Variants in EYS observed in about 807,000 individuals in gnomAD.
EYS encodes EGF-like photoreceptor maintenance factor.
In EYS, 250 loss-of-function variants were observed where a neutral mutation model predicts 282.1. That is an observed-to-expected ratio of 0.89 (90% CI 0.80 to 0.98). The LOEUF is 0.98. Among genes scored for constraint, EYS ranks in the 50% least tolerant of loss-of-function variants. The probability of loss-of-function intolerance (pLI) is 0.00; values close to 1 mark genes in which losing one functional copy is unlikely to be tolerated. For synonymous variants in EYS, 1,355 were observed against 1,282.9 expected (o/e 1.06, Z -1.20); for missense variants, 4,016 against 3,709.0 (o/e 1.08, Z -2.15).
intron 39 of EYS, chr6:63,779,243 G>A (rs1291168364): frequency 6.6e-6 from 1 of 151,782 alleles, no homozygotes; most frequent in African/African-American, 2.4e-5. Flanking sequence ...TGGATCACGA[G>A]GTCAGGAGAT....
At chr6:64,986,513 T>TA (rs373684376) in intron 14 of EYS, among the ~76,000 whole-genome samples, 54,850 of 150,076 alleles carry the variant, frequency 0.37, 11,715 homozygotes, top group Admixed American at 0.5. Flanking sequence ...TTTTTTTTTT[T>TA]CTAATACTTC....
chr6:64,216,713 G>A (rs1765939303), intron 31 of EYS, among the ~76,000 whole-genome samples: 1 of 152,190 alleles, frequency 6.6e-6, no homozygotes, highest in Non-Finnish European at 1.5e-5. Context: ...TTCTGCCAAG[G>A]TAAAGGGACA....
At chr6:64,967,235 A>G (rs1562279709) in intron 14 of EYS, among the ~76,000 whole-genome samples, 1 of 152,120 alleles carries the variant, frequency 6.6e-6, no homozygotes, top group Non-Finnish European at 1.5e-5. Flanking sequence ...TCAGCTCCTT[A>G]GAAAGACTCT....
At chr6:64,340,081 G>A (rs1041979201) in intron 29 of EYS, among the ~76,000 whole-genome samples, 9 of 151,366 alleles carry the variant, frequency 5.9e-5, no homozygotes, top group African/African-American at 9.7e-5. Context: ...AAATAAAAAC[G>A]TATGCACATT....
intron 26 of EYS, among the ~76,000 whole-genome samples, chr6:64,444,546 T>A (rs185666302): frequency 6.6e-6 from 1 of 152,220 alleles, no homozygotes; most frequent in Non-Finnish European, 1.5e-5. Flanking sequence ...TAATTATCTG[T>A]ATGGAAACCC....
chr6:64,550,305 T>A (rs531726566), intron 26 of EYS, among the ~76,000 whole-genome samples: 24 of 152,300 alleles, frequency 1.6e-4, no homozygotes, highest in African/African-American at 5.3e-4. Context: ...CCCTGAGGAA[T>A]CGCCACTCTG....
chr6:65,622,773 G>A (rs1332186377), intron 2 of EYS, among the ~76,000 whole-genome samples: 2 of 140,666 alleles, frequency 1.4e-5, no homozygotes, highest in African/African-American at 5.2e-5. Flanking sequence ...TTTTTTTCTG[G>A]TTTTGAAACA....
chr6:64,336,935 G>A (rs567190088), intron 29 of EYS, among the ~76,000 whole-genome samples: 53 of 152,058 alleles, frequency 3.5e-4, no homozygotes, highest in African/African-American at 1.3e-3. Flanking sequence ...GAACGACAAT[G>A]ACGACACAAC....
At chr6:64,344,411 A>AC in intron 29 of EYS, among the ~76,000 whole-genome samples, 1 of 152,166 alleles carries the variant, frequency 6.6e-6, no homozygotes, top group South Asian at 2.1e-4. Flanking sequence ...ACATACGAAA[A>AC]TCAATAAACG....
At chr6:64,469,720 G>A (rs1313186362) in intron 26 of EYS, among the ~76,000 whole-genome samples, 1 of 151,900 alleles carries the variant, frequency 6.6e-6, no homozygotes, top group Non-Finnish European at 1.5e-5. Flanking sequence ...CCTTTCCCTG[G>A]GGGAGTTTAG....
intron 19 of EYS, among the ~76,000 whole-genome samples, chr6:64,839,867 T>C (rs1213417086): frequency 6.6e-6 from 1 of 152,036 alleles, no homozygotes; most frequent in East Asian, 1.9e-4. Flanking sequence ...AATCCATTCA[T>C]GAGGGAAGAG....
intron 10 of EYS, 134 bp from the exon 11 acceptor site, chr6:65,335,280 TA>T (rs1769946249): frequency 1.4e-6 from 1 of 722,166 alleles, no homozygotes; most frequent in Non-Finnish European, 2.4e-6. Context: ...AAACAGAAGG[TA>T]ACTATTGGAC....
At chr6:64,757,100 T>C (rs1461770157) in intron 22 of EYS, among the ~76,000 whole-genome samples, 1 of 152,182 alleles carries the variant, frequency 6.6e-6, no homozygotes, top group African/African-American at 2.4e-5. Context: ...CTATTACCTG[T>C]CTTCAATATA....
At chr6:64,821,348 G>A (rs1403915770) in intron 21 of EYS, among the ~76,000 whole-genome samples, 2 of 151,982 alleles carry the variant, frequency 1.3e-5, no homozygotes, top group Non-Finnish European at 2.9e-5. Context: ...AGCCATCTGA[G>A]CAACTGTTGA....
At chr6:65,600,570 A>C (rs1459034670) in intron 2 of EYS, among the ~76,000 whole-genome samples, 2 of 152,078 alleles carry the variant, frequency 1.3e-5, no homozygotes, top group Non-Finnish European at 1.5e-5. Context: ...AGAAATGCAA[A>C]TGATGAAAGC....
chr6:64,129,135 G>A (rs1256955865), intron 31 of EYS, among the ~76,000 whole-genome samples: 1 of 152,120 alleles, frequency 6.6e-6, no homozygotes, highest in Non-Finnish European at 1.5e-5. Flanking sequence ...TTGGAACAGA[G>A]GTTGTATGGC....
intron 1 of EYS, among the ~76,000 whole-genome samples, chr6:65,700,937 T>C (rs906024453): frequency 6.6e-6 from 1 of 152,202 alleles, no homozygotes; most frequent in Non-Finnish European, 1.5e-5. Context: ...GACCAATCTA[T>C]GTCACATATC....
chr6:65,445,201 T>C (rs1768606963), intron 5 of EYS, among the ~76,000 whole-genome samples: 1 of 151,906 alleles, frequency 6.6e-6, no homozygotes, highest in African/African-American at 2.4e-5. Flanking sequence ...AAGGTCTAGG[T>C]TCATCAATCC....
rs987375336 is a variant in EYS, at chr6:64,591,784, A to C, written c.4083T>G (p.Ile1361Met). ...GTGATACCGATGTTTTGTCCTGGAC[A>C]ATTTGTGCTGGGTCACGAATACCAA... is the stretch of plus-strand genomic sequence containing the variant. ...LNFGIRDPAQ[I>M]VQDKTSVSHM... Residue 1361 changes from isoleucine to methionine, a missense_variant, in exon 26 of 43, where the codon ATT (isoleucine) becomes ATG (methionine). Transcript: ENST00000503581. The C allele has an allele frequency of 2.6e-6, 4 of 1,551,324 alleles. No individual in the cohort carries two copies. The highest frequency in any genetic ancestry group is 2.6e-6 in the Non-Finnish European group (3 of 1,146,736).
Sources: allele counts gnomAD v4.1 joint callset (sites outside exome capture counted in the v4.1 genomes callset), GRCh38; gene constraint gnomAD v4.1.1; transcripts MANE v1.5; gene names NCBI Gene and HGNC (gene_info 2026-07-23, HGNC 2026-07-21).